EEA1: variants seen among roughly 807,000 people sequenced by gnomAD.
EEA1 encodes the protein early endosome antigen 1, 162kD.
In EEA1, 111 loss-of-function variants were observed where a neutral mutation model predicts 209.2. That is an observed-to-expected ratio of 0.53 (90% CI 0.45 to 0.62). The LOEUF (loss-of-function observed/expected upper bound fraction) is 0.62. Among genes scored for constraint, EEA1 ranks in the 20% least tolerant of loss-of-function variants. The probability of loss-of-function intolerance (pLI) is 0.00; values close to 1 mark genes in which losing one functional copy is unlikely to be tolerated. For missense variants in EEA1, 1,343 were observed against 1,530.8 expected (o/e 0.88, Z 2.05); for synonymous variants, 536 against 540.6 (o/e 0.99, Z 0.12).
At chr12:92,788,321 G>A (rs61933714) in intron 21 of EEA1, among the ~76,000 whole-genome samples, 4,297 of 151,554 alleles carry the variant, frequency 0.028, 84 homozygotes, top group Middle Eastern at 0.048. Context: ...TCAGGTCTCG[G>A]GAGAAAGAGT....
At chr12:92,828,274 A>T (rs1447744758) in intron 11 of EEA1, among the ~76,000 whole-genome samples, 3 of 152,198 alleles carry the variant, frequency 2.0e-5, no homozygotes, top group Non-Finnish European at 4.4e-5. Context: ...TTATCGTTAA[A>T]CATCACAATT....
chr12:92,801,385 T>A (rs931225237), intron 20 of EEA1, among the ~76,000 whole-genome samples: 10 of 151,948 alleles, frequency 6.6e-5, no homozygotes, highest in African/African-American at 2.4e-4. Flanking sequence ...AAAATACAAA[T>A]AACAATTTTA....
chr12:92,804,298 C>A (rs1054261304), intron 18 of EEA1, among the ~76,000 whole-genome samples: 12 of 152,052 alleles, frequency 7.9e-5, no homozygotes, highest in Non-Finnish European at 1.6e-4. Context: ...TAGGGCCAGG[C>A]ACGGTGGCTC....
chr12:92,801,673 T>C lies in EEA1; in HGVS notation c.2699A>G (p.Gln900Arg). ...LEKTCKELKH[Q>R]LQVQMENTLK... ...TGTGTTTTCCATCTGCACTTGAAGT[T>C]GATGCTTTAATTCTTTGCAAGTTTT... The change falls in exon 20 of 29, where the codon CAA becomes CGA. Residue 900 changes from glutamine (Q) to arginine (R), a missense_variant. Gln to Arg is a conservative substitution (Grantham distance 43). Around this residue, in one of 3 missense-constraint regions of EEA1, gnomAD observed 1,307 missense variants for 1,465.5 expected, o/e 0.89. Transcript: ENST00000322349. 1 of 1,596,754 alleles carries C rather than the reference T, an allele frequency of 6.3e-7. No homozygotes were observed. Among genetic ancestry groups the C allele is most frequent in the Non-Finnish European group, 8.5e-7 (1 of 1,173,810 alleles).
intron 13 of EEA1, among the ~76,000 whole-genome samples, chr12:92,824,211 G>C (rs1357821591): frequency 1.3e-5 from 2 of 152,108 alleles, no homozygotes; most frequent in African/African-American, 4.8e-5. Context: ...CAATAAATCA[G>C]TCAGCTTTAC....
intron 2 of EEA1, among the ~76,000 whole-genome samples, chr12:92,888,596 A>C (rs1565851478): frequency 1.7e-5 from 2 of 121,190 alleles, no homozygotes; most frequent in Admixed American, 8.3e-5. Flanking sequence ...ACAAACAAAC[A>C]AAAAAAAAAA....
At chr12:92,827,289 C>A (rs924568329) in intron 12 of EEA1, among the ~76,000 whole-genome samples, 8 of 151,578 alleles carry the variant, frequency 5.3e-5, no homozygotes, top group Non-Finnish European at 8.8e-5. Flanking sequence ...AGGAGGCGGA[C>A]GTTGCAGTGA....
chr12:92,833,950 A>C (rs545462888), intron 10 of EEA1, among the ~76,000 whole-genome samples: 7 of 152,276 alleles, frequency 4.6e-5, no homozygotes, highest in Middle Eastern at 6.8e-3. Context: ...AAATACAATG[A>C]AGTTTGAGCC....
Position 92,801,681 on chromosome 12 carries a change from T to G in EEA1, c.2691A>C (p.Leu897Phe). The G allele has an allele frequency of 6.3e-7, 1 of 1,591,526 alleles. No homozygotes were observed. Among genetic ancestry groups the G allele is most frequent in the Non-Finnish European group, 8.5e-7 (1 of 1,172,230 alleles). Residue 897 changes from leucine to phenylalanine, a missense_variant, in exon 20 of 29, where the codon TTA becomes TTC. By Grantham distance (22) the Leu-to-Phe change is conservative. This residue lies in a region of EEA1 where 1,307 missense variants were observed against 1,465.5 expected (regional missense o/e 0.89). Transcript: ENST00000322349. ...ILDLEKTCKE[L>F]KHQLQVQMEN... ...CCATCTGCACTTGAAGTTGATGCTTTAATTCTTTGCAAGTTTTTTCCTTAA... is the reference window on the plus strand; with the variant it reads ...CCATCTGCACTTGAAGTTGATGCTTGAATTCTTTGCAAGTTTTTTCCTTAA...
At chr12:92,874,255 G>A (rs865822682) in intron 2 of EEA1, among the ~76,000 whole-genome samples, 61 of 152,088 alleles carry the variant, frequency 4.0e-4, no homozygotes, top group African/African-American at 1.4e-3. Context: ...CAGGAGGTCC[G>A]GGCTGCGGTA....
intron 1 of EEA1, among the ~76,000 whole-genome samples, chr12:92,917,666 C>G (rs1437479223): frequency 6.6e-6 from 1 of 150,750 alleles, no homozygotes; most frequent in Non-Finnish European, 1.5e-5. Flanking sequence ...ACCATCGAGA[C>G]TAGGAAGAAA....
chr12:92,914,080 C>G (rs1475658807), intron 1 of EEA1, among the ~76,000 whole-genome samples: 1 of 152,092 alleles, frequency 6.6e-6, no homozygotes, highest in Non-Finnish European at 1.5e-5. Context: ...AATAAAGTAT[C>G]CTTTTTCTAT....
intron 1 of EEA1, among the ~76,000 whole-genome samples, chr12:92,898,712 T>C (rs1329585522): frequency 6.7e-6 from 1 of 148,956 alleles, no homozygotes; most frequent in Non-Finnish European, 1.5e-5. Context: ...ATGTCTTCTT[T>C]TTTTTTTCCT....
intron 2 of EEA1, among the ~76,000 whole-genome samples, chr12:92,890,373 G>A (rs1879611992): frequency 6.6e-6 from 1 of 152,020 alleles, no homozygotes; most frequent in Non-Finnish European, 1.5e-5. Context: ...TAAAGTAAGA[G>A]GAAACAGGTA....
At chr12:92,907,029 C>G (rs1880411402) in intron 1 of EEA1, among the ~76,000 whole-genome samples, 1 of 151,912 alleles carries the variant, frequency 6.6e-6, no homozygotes, top group Non-Finnish European at 1.5e-5. Flanking sequence ...CCCTTTTCTA[C>G]TATTAAGAGC....
rs180862108 is a variant in EEA1 at position 92,882,068 on chromosome 12, T to C, written c.117+9561A>G. On this transcript the variant is annotated intron_variant, in intron 2 of 28. Transcript: ENST00000322349. ...TTCTCTTTGTTATGACGATTTTCCTTTTCTTTTTTGGCTCTATGGAATCTT... is the reference window on the plus strand; with the variant it reads ...TTCTCTTTGTTATGACGATTTTCCTCTTCTTTTTTGGCTCTATGGAATCTT... Among the ~76,000 whole-genome samples, 34 of 152,240 alleles carry C rather than the reference T, an allele frequency of 2.2e-4. No homozygotes were observed. The East Asian group carries it at 5.8e-3, about 26-fold the overall frequency.
intron 10 of EEA1, among the ~76,000 whole-genome samples, chr12:92,841,918 G>T (rs1877179588): frequency 6.6e-6 from 1 of 152,316 alleles, no homozygotes; most frequent in East Asian, 1.9e-4. Flanking sequence ...TATTTGTACA[G>T]CCATGTTGAA....
chr12:92,898,633 C>T lies in EEA1; in HGVS notation c.25-6912G>A, dbSNP rs1179245813. On this transcript the variant is annotated intron_variant, in intron 1 of 28. Coordinates refer to ENST00000322349, the MANE Select transcript of EEA1 (RefSeq NM_003566.4). ...GAGCCGAGATCGTGCCACCGCACTCCAGCCTGGGTGACAGAGCGAGACTCC... is the reference window on the plus strand; with the variant it reads ...GAGCCGAGATCGTGCCACCGCACTCTAGCCTGGGTGACAGAGCGAGACTCC... Among the ~76,000 whole-genome samples, 7 of 146,434 alleles carry T rather than the reference C, an allele frequency of 4.8e-5. No homozygotes were observed. In the South Asian group the frequency reaches 6.4e-4, roughly 13 times the overall value.
Position 92,853,973 on chromosome 12 carries a change from C to T in EEA1, c.367-19G>A, listed in dbSNP as rs768942616. The T allele has an allele frequency of 3.9e-6, 6 of 1,554,270 alleles. No individual in the cohort carries two copies. In the Admixed American group the frequency reaches 5.9e-5, roughly 15 times the overall value. On this transcript the variant is annotated intron_variant, in intron 5 of 28. Transcript: ENST00000322349. The stretch of plus-strand genomic sequence containing the variant: ...TGGCCTCCTCAATTAAAACAAAAGA[C>T]ATAAACAAATGAATTAAAAGGAAAA...
Sources: allele counts gnomAD v4.1 joint callset (sites outside exome capture counted in the v4.1 genomes callset), GRCh38; gene constraint gnomAD v4.1.1; regional missense constraint gnomAD v4.1.1; transcripts MANE v1.5; gene names NCBI Gene and HGNC (gene_info 2026-07-23, HGNC 2026-07-21).